TCF12: variants seen among roughly 807,000 people sequenced by gnomAD.
TCF12 encodes the protein transcription factor 12.
Under a neutral mutation model 86.0 loss-of-function variants are expected in TCF12, and 45 were observed. The ratio of observed to expected loss-of-function variants is 0.52; its 90% confidence interval spans 0.41 to 0.67. The LOEUF (loss-of-function observed/expected upper bound fraction) is 0.67. Among genes scored for constraint, TCF12 ranks in the 30% least tolerant of loss-of-function variants. The pLI is 0.00. For synonymous variants in TCF12, 330 were observed against 299.6 expected (o/e 1.10, Z -1.05); for missense variants, 881 against 859.9 (o/e 1.02, Z -0.31).
At chr15:57,125,077 A>G (rs868133070) in intron 5 of TCF12, among the ~76,000 whole-genome samples, 2 of 152,208 alleles carry the variant, frequency 1.3e-5, no homozygotes, top group African/African-American at 4.8e-5. Context: ...GAAACTATCA[A>G]CTGGATAGGA....
intron 3 of TCF12, among the ~76,000 whole-genome samples, chr15:57,050,644 C>T (rs2067547581): frequency 6.6e-6 from 1 of 152,100 alleles, no homozygotes; most frequent in African/African-American, 2.4e-5. Context: ...TTTTGGTACT[C>T]TCATTACATG....
chr15:57,196,643 T>G (rs2057279855), intron 7 of TCF12, among the ~76,000 whole-genome samples: 1 of 152,224 alleles, frequency 6.6e-6, no homozygotes, highest in African/African-American at 2.4e-5. Context: ...AGTTTTATAT[T>G]TTACATATAA....
Position 57,006,530 on chromosome 15 carries a change from C to T in TCF12, c.149-57220C>T, listed in dbSNP as rs182239227. Among the ~76,000 whole-genome samples the T allele has an allele frequency of 7.9e-5, 12 of 152,112 alleles. No individual in the cohort carries two copies. In the East Asian group the frequency reaches 2.1e-3, roughly 27 times the overall value. On this transcript the variant is annotated intron_variant, in intron 3 of 20. Transcript: ENST00000333725. ...ATGTTGGCCAGGGCATGGAGGCTCA[C>T]GCCTGTAATCCCAGCACTTTGGGAG...
chr15:57,053,130 T>C (rs1451563082), intron 3 of TCF12, among the ~76,000 whole-genome samples: 2 of 152,200 alleles, frequency 1.3e-5, no homozygotes, highest in South Asian at 2.1e-4. Context: ...ACTTGTTTTC[T>C]TGTGTATGTG....
chr15:57,132,621 G>T (rs188225829), intron 5 of TCF12, among the ~76,000 whole-genome samples: 10 of 152,146 alleles, frequency 6.6e-5, no homozygotes, highest in Non-Finnish European at 1.3e-4. Context: ...GGTTAAACAC[G>T]TGTGTGCCCA....
intron 4 of TCF12, among the ~76,000 whole-genome samples, chr15:57,064,812 A>AAG (rs1555495496): frequency 0.01 from 1,276 of 123,340 alleles, 168 homozygotes; most frequent in Non-Finnish European, 0.013. Context: ...AAAAAAAAAA[A>AAG]AGAGAGAGAG....
intron 5 of TCF12, among the ~76,000 whole-genome samples, chr15:57,132,904 C>T (rs187271711): frequency 2.2e-3 from 340 of 152,272 alleles, no homozygotes; most frequent in African/African-American, 7.9e-3. Context: ...TATTTATCTT[C>T]TCTTGTAATT....
Position 57,174,808 on chromosome 15 carries a change from G to T in TCF12, c.390+8342G>T, listed in dbSNP as rs145749267. Among the ~76,000 whole-genome samples the T allele has an allele frequency of 5.4e-3, 818 of 152,262 alleles. 12 individuals are homozygous for T. Among genetic ancestry groups the T allele is most frequent in the African/African-American group, 0.019 (784 of 41,566 alleles). ...CCAAAAGCGTGAAATACTGAGGGAAGAATGTAACAGAAGATGGCAAAGCTT... is the reference window on the plus strand; with the variant it reads ...CCAAAAGCGTGAAATACTGAGGGAATAATGTAACAGAAGATGGCAAAGCTT... On this transcript the variant is annotated intron_variant, in intron 6 of 20. Transcript: ENST00000333725.
chr15:57,027,905 C>T (rs965612889), intron 3 of TCF12, among the ~76,000 whole-genome samples: 6 of 152,192 alleles, frequency 3.9e-5, no homozygotes, highest in African/African-American at 1.4e-4. Context: ...TCTTCACCTT[C>T]TGCCATGATT....
At chr15:56,953,340 T>G (rs558083738) in intron 3 of TCF12, among the ~76,000 whole-genome samples, 1 of 152,102 alleles carries the variant, frequency 6.6e-6, no homozygotes, top group Non-Finnish European at 1.5e-5. Context: ...GACATCAGTG[T>G]AATGCTGGAT....
At chr15:57,244,636 T>C (rs2059777665) in intron 13 of TCF12, among the ~76,000 whole-genome samples, 1 of 152,020 alleles carries the variant, frequency 6.6e-6, no homozygotes, top group African/African-American at 2.4e-5. Flanking sequence ...ATTTTTGTAT[T>C]TTTTTGTAGA....
At chr15:57,067,270 G>C (rs543199809) in intron 4 of TCF12, among the ~76,000 whole-genome samples, 1 of 152,264 alleles carries the variant, frequency 6.6e-6, no homozygotes, top group Admixed American at 6.5e-5. Context: ...GCCGGGCGCG[G>C]TGGCTCACGC....
intron 6 of TCF12, among the ~76,000 whole-genome samples, chr15:57,181,881 T>C (rs1353971082): frequency 6.6e-6 from 1 of 152,194 alleles, no homozygotes; most frequent in African/African-American, 2.4e-5. Flanking sequence ...TTATTAATTA[T>C]TCTCTAGTAT....
chr15:57,019,274 C>T (rs1212049583), intron 3 of TCF12, among the ~76,000 whole-genome samples: 1 of 152,088 alleles, frequency 6.6e-6, no homozygotes, highest in Non-Finnish European at 1.5e-5. Context: ...TTATTTAATT[C>T]CTTTGGTTAG....
At chr15:57,016,544 T>A (rs1348812957) in intron 3 of TCF12, among the ~76,000 whole-genome samples, 2 of 152,210 alleles carry the variant, frequency 1.3e-5, no homozygotes, top group African/African-American at 4.8e-5. Context: ...ACATAATTCA[T>A]AAGGCAAATT....
chr15:57,227,240 C>G (rs902708353), intron 8 of TCF12, among the ~76,000 whole-genome samples: 1 of 152,152 alleles, frequency 6.6e-6, no homozygotes, highest in Admixed American at 6.5e-5. Context: ...TGCATTTTTT[C>G]TCAATAACAG....
At chr15:57,075,804 T>TTCTTTCTTTCTTTCTTTCTCTCTC (rs1461514777) in intron 4 of TCF12, among the ~76,000 whole-genome samples, 1 of 28,588 alleles carries the variant, frequency 3.5e-5, no homozygotes, top group African/African-American at 1.4e-4. Flanking sequence ...CTTTCTTTCT[T>TTCTTTCTTTCTTTCTTTCTCTCTC]TCTCTCTCTC....
intron 3 of TCF12, among the ~76,000 whole-genome samples, chr15:57,038,321 A>C (rs2066647165): frequency 1.3e-5 from 2 of 151,914 alleles, no homozygotes; most frequent in Admixed American, 1.3e-4. Context: ...CAAGCTACTC[A>C]GGGGGCTGAG....
chr15:57,184,409 G>A (rs1345511514), intron 6 of TCF12, among the ~76,000 whole-genome samples: 2 of 152,102 alleles, frequency 1.3e-5, no homozygotes, highest in Non-Finnish European at 2.9e-5. Flanking sequence ...GTATGCCAGG[G>A]AATGTTAGTG....
Sources: gnomAD v4.1 joint callset for allele counts (sites outside exome capture counted in the v4.1 genomes callset) on GRCh38, gnomAD v4.1.1 for gene constraint, MANE v1.5 for transcripts, NCBI Gene and HGNC (gene_info 2026-07-23, HGNC 2026-07-21) for gene names.